The following ATXN7 variants were observed in gnomAD, a reference collection of about 807,000 sequenced individuals.
ATXN7 encodes ataxin-7.
ATXN7 carries 12 observed loss-of-function variants against 70.5 expected under a neutral mutation model. The ratio of observed to expected loss-of-function variants is 0.17; its 90% confidence interval spans 0.11 to 0.28. ATXN7 has a LOEUF of 0.28. ATXN7 is among the 10% of genes least tolerant of loss of function. The pLI, the probability that ATXN7 is intolerant of heterozygous loss-of-function variation, is 1.00. For synonymous variants in ATXN7, 498 were observed against 448.7 expected (o/e 1.11, Z -1.39); for missense variants, 1,256 against 1,131.7 (o/e 1.11, Z -1.58).
rs1403187700 is a variant in ATXN7 at position 64,001,170 on chromosome 3, G to T, written c.*1703G>T. On this transcript the variant is annotated 3_prime_UTR_variant, in exon 13 of 13. Transcript: ENST00000674280. ...ATTGCTACAGAATTATTCTTATTAT[G>T]TAAGAAAACAAAAACTTTATGCAGA... 6.6e-6 allele frequency: 1 copy of T among 152,102 alleles called. No homozygotes were observed. Among genetic ancestry groups the T allele is most frequent in the Non-Finnish European group, 1.5e-5 (1 of 68,018 alleles). 9.4% of individuals were successfully genotyped at this position (152,102 alleles called of 1,614,324 possible). A position where few individuals can be genotyped will look rare whatever the true frequency, so the allele number is the denominator to read the frequency against.
At chr3:63,997,876 G>C in intron 12 of ATXN7, 1 of 985,376 alleles carries the variant, frequency 1.0e-6, no homozygotes, top group South Asian at 4.7e-5. Context: ...AAATATTTGT[G>C]AATTTAACTA....
chr3:63,879,692 A>C (rs753344709), intron 1 of ATXN7, among the ~76,000 whole-genome samples: 2 of 151,932 alleles, frequency 1.3e-5, no homozygotes, highest in African/African-American at 4.8e-5. Flanking sequence ...GGGTTTCACT[A>C]TGTTGGCCAA....
At chr3:63,886,669 A>G (rs1019348465) in intron 1 of ATXN7, among the ~76,000 whole-genome samples, 1 of 152,216 alleles carries the variant, frequency 6.6e-6, no homozygotes, top group African/African-American at 2.4e-5. Context: ...CTGTAAATTC[A>G]AAGTCATCCC....
rs909246795 is a variant in ATXN7, at chr3:63,996,560, T to G, written c.2661+77T>G. On this transcript the variant is annotated intron_variant, in intron 12 of 12. Transcript: ENST00000674280. Reference sequence around the variant, plus strand: ...GATCTTTTGTCAGCTCAGAAATGTGTTTGGTTGGGTTGGTTGGTTGGTTTG... The same window carrying G: ...GATCTTTTGTCAGCTCAGAAATGTGGTTGGTTGGGTTGGTTGGTTGGTTTG... 7.3e-6 allele frequency: 11 copies of G among 1,513,684 alleles called. No individual in the cohort carries two copies. In the African/African-American group the frequency reaches 9.9e-5, roughly 14 times the overall value. 93.8% of individuals were successfully genotyped at this position (1,513,684 alleles called of 1,614,324 possible).
Position 63,918,605 on chromosome 3 carries a change from T to C in ATXN7, c.394+5380T>C, listed in dbSNP as rs183489153. Among the ~76,000 whole-genome samples, 672 of 152,344 alleles carry C rather than the reference T, an allele frequency of 4.4e-3. 6 individuals carry two copies. Among genetic ancestry groups the C allele is most frequent in the African/African-American group, 0.015 (614 of 41,588 alleles). ...TGAAGCATATCATTTCTTTTGGTTT[T>C]TATTTTCTGCTCACATGGACTTCAA... On this transcript the variant is annotated intron_variant, in intron 4 of 12. Transcript: ENST00000674280.
intron 5 of ATXN7, among the ~76,000 whole-genome samples, chr3:63,977,698 T>G (rs1044492638): frequency 2.0e-5 from 3 of 152,134 alleles, no homozygotes; most frequent in Non-Finnish European, 4.4e-5. Flanking sequence ...TCAGGTTGTC[T>G]TTGGCAGACG....
At chr3:63,987,972 A>G (rs2075606676) in intron 8 of ATXN7, 87 bp from the exon 9 acceptor site, 25 of 1,503,416 alleles carry the variant, frequency 1.7e-5, no homozygotes, top group Non-Finnish European at 2.1e-5. Context: ...TAGATTGCTT[A>G]TTTATTGGGA....
Position 63,999,660 on chromosome 3 carries a change from T to TC in ATXN7, c.*194dup. The TC allele has an allele frequency of 1.3e-5, 13 of 992,722 alleles. No individual in the cohort carries two copies. Among genetic ancestry groups the TC allele is most frequent in the Non-Finnish European group, 1.7e-5 (11 of 644,512 alleles). 61.5% of individuals were successfully genotyped at this position (992,722 alleles called of 1,614,324 possible). Reference sequence around the variant, plus strand: ...AAGCTATGTCTCTAGCAGTGAGTACTCATAAAGGACACTGGATCAAGTTCA... The same window carrying TC: ...AAGCTATGTCTCTAGCAGTGAGTACTCCATAAAGGACACTGGATCAAGTTCA... On this transcript the variant is annotated 3_prime_UTR_variant, in exon 13 of 13. Transcript: ENST00000674280.
intron 2 of ATXN7, chr3:63,902,128 G>T (rs1246016749): frequency 6.6e-6 from 1 of 152,186 alleles, no homozygotes; most frequent in South Asian, 2.1e-4. Context: ...ATGGTTAAAG[G>T]CCAGTTGCAG....
rs576369112 is a variant in ATXN7 at position 63,923,414 on chromosome 3, T to C, written c.394+10189T>C. Reference sequence around the variant, plus strand: ...CTGTTGAATGCTGTGAAGTCAAAAGTAGGGTAATGAGTTGGGGTTAGGGGG... The same window carrying C: ...CTGTTGAATGCTGTGAAGTCAAAAGCAGGGTAATGAGTTGGGGTTAGGGGG... On this transcript the variant is annotated intron_variant, in intron 4 of 12. Transcript: ENST00000674280. 2.1e-4 allele frequency among the ~76,000 whole-genome samples: 32 copies of C among 151,992 alleles called. 1 individual carries two copies. The highest frequency in any genetic ancestry group is 3.8e-4 in the Non-Finnish European group (26 of 67,988).
intron 9 of ATXN7, among the ~76,000 whole-genome samples, chr3:63,989,848 A>G (rs1055692629): frequency 1.3e-5 from 2 of 152,330 alleles, no homozygotes; most frequent in African/African-American, 4.8e-5. Context: ...TTGAAGAGGA[A>G]TCAAAGAATT....
In ATXN7 at chr3:63,946,976, T is replaced by C. The variant is rs1222679048; in HGVS notation, c.395-5403T>C. Among the ~76,000 whole-genome samples, 3 of 152,036 alleles carry C rather than the reference T, an allele frequency of 2.0e-5. No individual in the cohort carries two copies. In the East Asian group the frequency reaches 5.8e-4, roughly 29 times the overall value. On this transcript the variant is annotated intron_variant, in intron 4 of 12. Transcript: ENST00000674280. ...ATACCTTGACCTTGGGCACTGGCAG[T>C]GGGAGTGGCACTGGCATAGAGGAGG...
intron 4 of ATXN7, among the ~76,000 whole-genome samples, chr3:63,917,550 A>G (rs1224733627): frequency 6.6e-6 from 1 of 152,236 alleles, no homozygotes; most frequent in Non-Finnish European, 1.5e-5. Context: ...GAAAAATGAC[A>G]TCTTCTTTGG....
In ATXN7 at chr3:63,988,170, G is replaced by T; in HGVS notation, c.1207G>T (p.Asp403Tyr). 1 of 1,614,000 alleles carries T rather than the reference G, an allele frequency of 6.2e-7. No homozygotes were observed. The highest frequency in any genetic ancestry group is 2.2e-5 in the East Asian group (1 of 44,872). ...GGAAAAGGAATTGATTCGCCATCCG[G>T]ACTCTCAGCAACCACCGCAGCCTCT... Reference protein sequence around the residue: ...TREKELIRHPDSQQPPQPLRD... With the variant: ...TREKELIRHPYSQQPPQPLRD... Residue 403 changes from aspartate (D) to tyrosine (Y), a missense_variant, in exon 9 of 13, where the codon GAC (aspartate) becomes TAC (tyrosine). Coordinates refer to ENST00000674280, the MANE Select transcript of ATXN7 (RefSeq NM_001377405.1).
chr3:63,918,939 G>T (rs539434949), intron 4 of ATXN7, among the ~76,000 whole-genome samples: 1 of 152,082 alleles, frequency 6.6e-6, no homozygotes, highest in African/African-American at 2.4e-5. Context: ...CAGCGTGGCC[G>T]TGACAGTGGG....
chr3:63,974,104 C>G (rs965352642), intron 5 of ATXN7, among the ~76,000 whole-genome samples: 2 of 151,974 alleles, frequency 1.3e-5, no homozygotes, highest in Admixed American at 6.6e-5. Context: ...CCCTGTCTTT[C>G]TAGGCATTTG....
intron 4 of ATXN7, among the ~76,000 whole-genome samples, chr3:63,921,482 C>G (rs557224369): frequency 1.3e-5 from 2 of 152,274 alleles, no homozygotes; most frequent in Admixed American, 1.3e-4. Context: ...AAAGGACAGT[C>G]CTTTAATTGT....
intron 4 of ATXN7, among the ~76,000 whole-genome samples, chr3:63,941,303 T>A (rs1440898889): frequency 6.6e-6 from 1 of 151,996 alleles, no homozygotes; most frequent in Non-Finnish European, 1.5e-5. Flanking sequence ...GCAGTCAGGC[T>A]ATGGGGTGGG....
chr3:63,994,036 T>A (rs1371812426), intron 11 of ATXN7, among the ~76,000 whole-genome samples: 1 of 152,128 alleles, frequency 6.6e-6, no homozygotes, highest in Non-Finnish European at 1.5e-5. Context: ...AGCCTCTCAA[T>A]CTTGGCTCCA....
Sources: allele counts gnomAD v4.1 joint callset (sites outside exome capture counted in the v4.1 genomes callset), GRCh38; gene constraint gnomAD v4.1.1; transcripts MANE v1.5; gene names NCBI Gene and HGNC (gene_info 2026-07-23, HGNC 2026-07-21).